The following TRAPPC3L variants were observed in gnomAD, a reference collection of about 807,000 sequenced individuals.
TRAPPC3L encodes trafficking protein particle complex subunit 3L, also known as trafficking protein particle complex subunit 3-like protein.
TRAPPC3L carries 23 observed loss-of-function variants against 23.7 expected under a neutral mutation model. The ratio of observed to expected loss-of-function variants is 0.97; its 90% confidence interval spans 0.70 to 1.37. The LOEUF (loss-of-function observed/expected upper bound fraction) is 1.37. Among genes scored for constraint, TRAPPC3L ranks in the 40% most tolerant of loss-of-function variants. The probability of loss-of-function intolerance (pLI) is 0.00; values close to 1 mark genes in which losing one functional copy is unlikely to be tolerated. For synonymous variants in TRAPPC3L, 81 were observed against 77.9 expected, an observed-to-expected ratio of 1.04 and a Z score of -0.21; for missense variants, 212 against 216.8, an observed-to-expected ratio of 0.98 and a Z score of 0.14.
intron 3 of TRAPPC3L, among the ~76,000 whole-genome samples, chr6:116,501,127 C>T (rs1291817475): frequency 1.3e-5 from 2 of 152,232 alleles, no homozygotes; most frequent in Admixed American, 6.5e-5. Flanking sequence ...GAACTGTACA[C>T]TTCTGCCCAA....
intron 3 of TRAPPC3L, among the ~76,000 whole-genome samples, chr6:116,537,198 G>T (rs1236861390): frequency 6.6e-6 from 1 of 152,222 alleles, no homozygotes; most frequent in African/African-American, 2.4e-5. Flanking sequence ...AAAGAATCTT[G>T]CATAGGAGTG....
rs1056756416 is a variant in TRAPPC3L, at chr6:116,495,214, A to T, written c.*1740T>A. The T allele has an allele frequency of 6.6e-6, 1 of 151,358 alleles. No homozygotes were observed. Among genetic ancestry groups the T allele is most frequent in the Non-Finnish European group, 1.5e-5 (1 of 67,872 alleles). The allele number at this position is 151,358 out of a possible 1,614,324, so 9.4% of individuals were successfully genotyped here. A position where few individuals can be genotyped will look rare whatever the true frequency, so the allele number is the denominator to read the frequency against. ...ATCCATCATTTTACTCCATATCTCC[A>T]TGAGTCCACTGTTTTAATTTTTAGC... On this transcript the variant is annotated 3_prime_UTR_variant, in exon 5 of 5. Coordinates refer to ENST00000368602, the MANE Select transcript of TRAPPC3L (RefSeq NM_001139444.3).
At chr6:116,531,515 A>G (rs2115191336) in intron 3 of TRAPPC3L, among the ~76,000 whole-genome samples, 1 of 152,310 alleles carries the variant, frequency 6.6e-6, no homozygotes, top group African/African-American at 2.4e-5. Context: ...AAGATAGACT[A>G]AAACTGTAAG....
chr6:116,496,495 T>C lies in TRAPPC3L; in HGVS notation c.*459A>G, dbSNP rs1771834821. 1 of 152,246 alleles carries C rather than the reference T, an allele frequency of 6.6e-6. No homozygotes were observed. The highest frequency in any genetic ancestry group is 2.4e-5 in the African/African-American group (1 of 41,450). 9.4% of individuals were successfully genotyped at this position (152,246 alleles called of 1,614,324 possible). A position where few individuals can be genotyped will look rare whatever the true frequency, so the allele number is the denominator to read the frequency against. On this transcript the variant is annotated 3_prime_UTR_variant, in exon 5 of 5. Coordinates refer to ENST00000368602, the MANE Select transcript of TRAPPC3L (RefSeq NM_001139444.3). ...AAATCAAATCATATTTTTTTAGAAA[T>C]ATGGAATTATTTATTTAAGGAATGC...
intron 3 of TRAPPC3L, among the ~76,000 whole-genome samples, chr6:116,539,064 G>A (rs1279604878): frequency 3.9e-5 from 6 of 152,162 alleles, no homozygotes; most frequent in African/African-American, 1.4e-4. Context: ...ATTATAGAGA[G>A]ACTGTGTCTT....
At chr6:116,538,977 G>A (rs1283036316) in intron 3 of TRAPPC3L, among the ~76,000 whole-genome samples, 2 of 151,976 alleles carry the variant, frequency 1.3e-5, no homozygotes, top group African/African-American at 4.8e-5. Flanking sequence ...GAGCTCAAGT[G>A]ATTTGCCCAC....
chr6:116,542,306 A>AG (rs1773511582), intron 2 of TRAPPC3L, among the ~76,000 whole-genome samples: 1 of 152,124 alleles, frequency 6.6e-6, no homozygotes. Context: ...TCCAAAAAAA[A>AG]GTCATGTGTA....
intron 3 of TRAPPC3L, chr6:116,521,153 G>A (rs1382683309): frequency 2.0e-5 from 3 of 151,198 alleles, no homozygotes; most frequent in Non-Finnish European, 4.4e-5. Context: ...ATTTCTTGTG[G>A]GAATATATAT....
At chr6:116,517,269 A>G (rs1012942501) in intron 3 of TRAPPC3L, 2 of 152,164 alleles carry the variant, frequency 1.3e-5, no homozygotes, top group Non-Finnish European at 1.5e-5. Flanking sequence ...GACCTTGGCT[A>G]AAGGTCTGGG....
chr6:116,533,284 G>GA (rs1465890132), intron 3 of TRAPPC3L, among the ~76,000 whole-genome samples: 1 of 151,924 alleles, frequency 6.6e-6, no homozygotes, highest in Non-Finnish European at 1.5e-5. Flanking sequence ...AAATTTGTAG[G>GA]AAAAAAGAGG....
chr6:116,524,712 T>C (rs1322830490), intron 3 of TRAPPC3L: 1 of 152,196 alleles, frequency 6.6e-6, no homozygotes, highest in Non-Finnish European at 1.5e-5. Flanking sequence ...GGAACGATTT[T>C]TCCTGCTACA....
intron 3 of TRAPPC3L, among the ~76,000 whole-genome samples, chr6:116,503,163 A>G (rs1771946492): frequency 6.6e-6 from 1 of 152,216 alleles, no homozygotes; most frequent in Non-Finnish European, 1.5e-5. Context: ...GGCTCAAAAT[A>G]AAGAGATGGA....
chr6:116,531,445 AG>A (rs1772718065), intron 3 of TRAPPC3L, among the ~76,000 whole-genome samples: 1 of 152,124 alleles, frequency 6.6e-6, no homozygotes, highest in South Asian at 2.1e-4. Context: ...AGAAGGGTTG[AG>A]TCATGAAAAT....
chr6:116,502,227 T>A (rs1339032521), intron 3 of TRAPPC3L, among the ~76,000 whole-genome samples: 1 of 152,114 alleles, frequency 6.6e-6, no homozygotes, highest in Non-Finnish European at 1.5e-5. Flanking sequence ...TCATGAAGCA[T>A]ACACAAGCTT....
Position 116,515,572 on chromosome 6 carries a change from G to C in TRAPPC3L, c.241-14906C>G, listed in dbSNP as rs1297429199. On this transcript the variant is annotated intron_variant, in intron 3 of 4. Transcript: ENST00000368602. ...TCCCTAAATGGCTTTGCTTTCACGT[G>C]TGTACTCAATATTTCTTTCTTCTTA... The C allele has an allele frequency of 3.2e-6, 5 of 1,579,106 alleles. No homozygotes were observed. In the South Asian group the frequency reaches 5.9e-5, roughly 19 times the overall value.
At chr6:116,511,930 AG>A in intron 3 of TRAPPC3L, 2 of 1,614,016 alleles carry the variant, frequency 1.2e-6, no homozygotes, top group Non-Finnish European at 1.7e-6. Context: ...GACTCTTCAC[AG>A]GCTGCTGTGT....
At chr6:116,515,540 C>T in intron 3 of TRAPPC3L, 3 of 1,513,502 alleles carry the variant, frequency 2.0e-6, no homozygotes, top group Middle Eastern at 1.8e-4. Flanking sequence ...CTCAATAATA[C>T]CCCAGCTCCC....
At chr6:116,509,500 A>C (rs889410191) in intron 3 of TRAPPC3L, among the ~76,000 whole-genome samples, 2 of 152,230 alleles carry the variant, frequency 1.3e-5, no homozygotes, top group Non-Finnish European at 2.9e-5. Flanking sequence ...AAGTAGATAC[A>C]TAGACCAATG....
At chr6:116,499,686 T>C (rs139763822) in intron 4 of TRAPPC3L, among the ~76,000 whole-genome samples, 181 of 152,306 alleles carry the variant, frequency 1.2e-3, no homozygotes, top group African/African-American at 4.3e-3. Flanking sequence ...ACCTGTTAGA[T>C]TATTTTTCTC....
Sources: gnomAD v4.1 joint callset for allele counts (sites outside exome capture counted in the v4.1 genomes callset) on GRCh38, gnomAD v4.1.1 for gene constraint, MANE v1.5 for transcripts, NCBI Gene and HGNC (gene_info 2026-07-23, HGNC 2026-07-21) for gene names.